Variants in PLCB1 observed in about 807,000 individuals in gnomAD.
PLCB1 encodes the protein phospholipase C beta 1.
In PLCB1, 46 loss-of-function variants were observed where a neutral mutation model predicts 161.8. The observed-to-expected ratio is 0.28, with a 90% CI of 0.22 to 0.36. PLCB1 has a LOEUF of 0.36. Ranked by LOEUF, PLCB1 falls within the 10% of genes least tolerant of loss-of-function variation. The pLI is 1.00. For missense variants in PLCB1, 1,016 were observed against 1,472.5 expected (o/e 0.69, Z 5.07); for synonymous variants, 517 against 503.7 (o/e 1.03, Z -0.35).
intron 3 of PLCB1, among the ~76,000 whole-genome samples, chr20:8,392,974 T>A (rs1222652010): frequency 6.6e-6 from 1 of 152,164 alleles, no homozygotes; most frequent in African/African-American, 2.4e-5. Context: ...AATGATGAAA[T>A]AAAGTTTTCC....
intron 3 of PLCB1, among the ~76,000 whole-genome samples, chr20:8,509,839 A>T (rs1000558369): frequency 2.0e-5 from 3 of 152,176 alleles, no homozygotes; most frequent in Admixed American, 2.0e-4. Flanking sequence ...AGTTTCGGGA[A>T]TAATTGTTCA....
intron 2 of PLCB1, among the ~76,000 whole-genome samples, chr20:8,224,814 A>G (rs1372725319): frequency 6.6e-6 from 1 of 151,994 alleles, no homozygotes; most frequent in Non-Finnish European, 1.5e-5. Context: ...CATCCTCACC[A>G]AGGTAGAATA....
At position 8,369,724 on chromosome 20, in the gene PLCB1, A is replaced by G. The variant is rs114095972; in HGVS notation, c.178-1658A>G. Among the ~76,000 whole-genome samples, 419 of 152,282 alleles carry G rather than the reference A, an allele frequency of 2.8e-3. 4 individuals carry two copies. The highest frequency in any genetic ancestry group is 9.7e-3 in the African/African-American group (403 of 41,560). ...GGTCAGACACAGCATGAAATGGGCT[A>G]AGGAACCCTCTAAAATGGGGAAAAT... On this transcript the variant is annotated intron_variant, in intron 2 of 31. Transcript: ENST00000338037.
intron 2 of PLCB1, among the ~76,000 whole-genome samples, chr20:8,308,618 CAAAAAAAAAA>C (rs71183088): frequency 2.7e-5 from 2 of 73,602 alleles, no homozygotes; most frequent in South Asian, 5.0e-4. Context: ...TTCCGTATAT[CAAAAAAAAAA>C]AAAAAAAAAA....
chr20:8,841,345 A>G (rs756500865), intron 31 of PLCB1, among the ~76,000 whole-genome samples: 1 of 152,210 alleles, frequency 6.6e-6, no homozygotes, highest in Non-Finnish European at 1.5e-5. Flanking sequence ...CACTGTTACC[A>G]TAATTACTTT....
chr20:8,199,512 T>C (rs1456442260), intron 2 of PLCB1, among the ~76,000 whole-genome samples: 2 of 152,188 alleles, frequency 1.3e-5, no homozygotes, highest in Non-Finnish European at 2.9e-5. Context: ...ATGTAGCCTC[T>C]ATTTTATTTC....
intron 2 of PLCB1, among the ~76,000 whole-genome samples, chr20:8,235,304 T>C (rs983016672): frequency 6.6e-6 from 1 of 152,144 alleles, no homozygotes; most frequent in Non-Finnish European, 1.5e-5. Context: ...TAAATTAAGA[T>C]TGAAGTTGTC....
At chr20:8,402,809 C>T (rs570078897) in intron 3 of PLCB1, among the ~76,000 whole-genome samples, 6 of 152,052 alleles carry the variant, frequency 3.9e-5, no homozygotes, top group African/African-American at 9.6e-5. Flanking sequence ...CGTGCCACTG[C>T]ACTCCAGCCT....
intron 2 of PLCB1, among the ~76,000 whole-genome samples, chr20:8,180,521 A>G (rs1173241643): frequency 6.6e-6 from 1 of 152,178 alleles, no homozygotes; most frequent in Non-Finnish European, 1.5e-5. Context: ...TAGTTTTAGT[A>G]GGAATGGTAC....
At chr20:8,648,955 G>A (rs189489281) in intron 6 of PLCB1, among the ~76,000 whole-genome samples, 1 of 111,132 alleles carries the variant, frequency 9.0e-6, no homozygotes, top group Non-Finnish European at 2.2e-5. Flanking sequence ...AAAAAAAAAA[G>A]AAAGAAAGAA....
At chr20:8,798,651 T>G (rs1984146567) in intron 31 of PLCB1, among the ~76,000 whole-genome samples, 1 of 152,170 alleles carries the variant, frequency 6.6e-6, no homozygotes, top group South Asian at 2.1e-4. Context: ...GGGAAGTGAT[T>G]GCAGGCTCAG....
chr20:8,155,829 CT>C (rs2051553637), intron 2 of PLCB1, among the ~76,000 whole-genome samples: 6 of 152,196 alleles, frequency 3.9e-5, no homozygotes, highest in Admixed American at 3.9e-4. Flanking sequence ...TATTTGGTAG[CT>C]TTCTCTAAAA....
intron 31 of PLCB1, among the ~76,000 whole-genome samples, chr20:8,834,038 C>T (rs1203818679): frequency 6.6e-6 from 1 of 152,084 alleles, no homozygotes; most frequent in East Asian, 1.9e-4. Context: ...TCTTTCTTTT[C>T]AAGTTCATTC....
chr20:8,607,915 T>C (rs1568527791), intron 3 of PLCB1, among the ~76,000 whole-genome samples: 1 of 152,220 alleles, frequency 6.6e-6, no homozygotes, highest in Non-Finnish European at 1.5e-5. Context: ...CAAACTGATA[T>C]GAGGTAATGC....
chr20:8,374,976 T>C (rs1267521106), intron 3 of PLCB1, among the ~76,000 whole-genome samples: 2 of 152,182 alleles, frequency 1.3e-5, no homozygotes, highest in African/African-American at 4.8e-5. Flanking sequence ...TGATTTGAAA[T>C]AACATTTACA....
intron 3 of PLCB1, among the ~76,000 whole-genome samples, chr20:8,559,156 A>G (rs1986060377): frequency 6.6e-6 from 1 of 152,048 alleles, no homozygotes; most frequent in South Asian, 2.1e-4. Flanking sequence ...TTTACATACA[A>G]TGTATAAAGA....
intron 3 of PLCB1, among the ~76,000 whole-genome samples, chr20:8,405,041 T>G (rs534866698): frequency 5.3e-5 from 8 of 152,302 alleles, no homozygotes; most frequent in Non-Finnish European, 1.0e-4. Flanking sequence ...GTTCTCCATA[T>G]AGAAGACAGA....
At position 8,388,207 on chromosome 20, in the gene PLCB1, T is replaced by C. The variant is rs575955524; in HGVS notation, c.246+16757T>C. 3.5e-3 allele frequency among the ~76,000 whole-genome samples: 528 copies of C among 152,250 alleles called. 2 individuals are homozygous for C. The highest frequency in any genetic ancestry group is 7.7e-3 in the African/African-American group (318 of 41,550). On this transcript the variant is annotated intron_variant, in intron 3 of 31. Transcript: ENST00000338037. ...ATACCCTTTTGTATATGCTTTTTTT[T>C]CCCTTATATCATGACCGTTTCCTGC...
intron 19 of PLCB1, among the ~76,000 whole-genome samples, chr20:8,733,850 A>G (rs1051623001): frequency 1.3e-5 from 2 of 149,276 alleles, no homozygotes; most frequent in Non-Finnish European, 3.0e-5. Flanking sequence ...GGTCGGGCGC[A>G]GTGACTCACG....
Sources: allele counts gnomAD v4.1 joint callset (sites outside exome capture counted in the v4.1 genomes callset), GRCh38; gene constraint gnomAD v4.1.1; transcripts MANE v1.5; gene names NCBI Gene and HGNC (gene_info 2026-07-23, HGNC 2026-07-21).